The following PTPRR variants were observed in gnomAD, a reference collection of about 807,000 sequenced individuals.
The protein encoded by PTPRR is receptor-type tyrosine-protein phosphatase R.
PTPRR carries 38 observed loss-of-function variants against 77.2 expected under a neutral mutation model. The observed-to-expected ratio is 0.49, with a 90% CI of 0.38 to 0.65. PTPRR has a LOEUF of 0.65. Ranked by LOEUF, PTPRR falls within the 30% of genes least tolerant of loss-of-function variation. The pLI is 0.00. For missense variants in PTPRR, 744 were observed against 799.2 expected, an observed-to-expected ratio of 0.93 and a Z score of 0.83; for synonymous variants, 299 against 283.1, an observed-to-expected ratio of 1.06 and a Z score of -0.57.
chr12:70,799,693 GA>G (rs1207437799), intron 2 of PTPRR, among the ~76,000 whole-genome samples: 1 of 152,118 alleles, frequency 6.6e-6, no homozygotes, highest in African/African-American at 2.4e-5. Context: ...ATGAGAAAAA[GA>G]AGAGCACTCT....
intron 2 of PTPRR, among the ~76,000 whole-genome samples, chr12:70,871,866 ACT>A (rs1037477309): frequency 6.6e-6 from 1 of 152,080 alleles, no homozygotes; most frequent in Non-Finnish European, 1.5e-5. Flanking sequence ...GAGCAGGGAA[ACT>A]CTTATCACCT....
chr12:70,672,258 A>G, intron 10 of PTPRR: 1 of 1,592,950 alleles, frequency 6.3e-7, no homozygotes, highest in Admixed American at 1.7e-5. Flanking sequence ...GTGGGCATGA[A>G]TTATGTGGAC....
chr12:70,668,598 ATT>A (rs1887100300), intron 10 of PTPRR, among the ~76,000 whole-genome samples: 1 of 152,052 alleles, frequency 6.6e-6, no homozygotes. Flanking sequence ...CACACTTAAC[ATT>A]TTCTTATTAG....
intron 2 of PTPRR, among the ~76,000 whole-genome samples, chr12:70,832,889 G>A (rs1892239214): frequency 6.6e-6 from 1 of 152,194 alleles, no homozygotes; most frequent in Admixed American, 6.5e-5. Flanking sequence ...GCTACTTGGT[G>A]AGAGTGGGAG....
At chr12:70,806,383 A>G (rs1891709838) in intron 2 of PTPRR, among the ~76,000 whole-genome samples, 2 of 152,210 alleles carry the variant, frequency 1.3e-5, no homozygotes, top group Admixed American at 6.5e-5. Flanking sequence ...GTTTGACCAT[A>G]GATATTGGCA....
chr12:70,836,958 C>T (rs921496514), intron 2 of PTPRR, among the ~76,000 whole-genome samples: 1 of 151,924 alleles, frequency 6.6e-6, no homozygotes, highest in Admixed American at 6.6e-5. Context: ...TATATTTTAT[C>T]ACTAAACTAT....
chr12:70,777,962 T>C (rs999732056), intron 2 of PTPRR, among the ~76,000 whole-genome samples: 2 of 152,254 alleles, frequency 1.3e-5, no homozygotes, highest in African/African-American at 4.8e-5. Flanking sequence ...GATAGTTATA[T>C]ATTCAAATGG....
At chr12:70,694,751 GC>G (rs1352230195) in intron 8 of PTPRR, among the ~76,000 whole-genome samples, 5 of 152,090 alleles carry the variant, frequency 3.3e-5, no homozygotes, top group African/African-American at 1.2e-4. Flanking sequence ...CCAAACGGCA[GC>G]ATCACACAAT....
At chr12:70,788,906 A>G in intron 2 of PTPRR, 2 of 1,475,102 alleles carry the variant, frequency 1.4e-6, no homozygotes, top group South Asian at 1.4e-5. Flanking sequence ...AGCAGGACTA[A>G]TCGTAAAGCT....
At chr12:70,827,542 T>C in intron 2 of PTPRR, among the ~76,000 whole-genome samples, 1 of 139,678 alleles carries the variant, frequency 7.2e-6, no homozygotes. Context: ...CTTTCTTTCT[T>C]TCTTTCTTTT....
At chr12:70,879,843 A>G (rs1893118372) in intron 2 of PTPRR, among the ~76,000 whole-genome samples, 1 of 152,176 alleles carries the variant, frequency 6.6e-6, no homozygotes, top group Non-Finnish European at 1.5e-5. Flanking sequence ...ATAATTGAAT[A>G]AAAAGTAAGG....
At chr12:70,838,279 A>G (rs1282288844) in intron 2 of PTPRR, among the ~76,000 whole-genome samples, 2 of 152,176 alleles carry the variant, frequency 1.3e-5, no homozygotes, top group African/African-American at 4.8e-5. Flanking sequence ...ATGTGTTTTC[A>G]TGAATGAGGT....
chr12:70,663,528 A>G (rs1435251725), intron 10 of PTPRR, among the ~76,000 whole-genome samples: 7 of 151,974 alleles, frequency 4.6e-5, no homozygotes, highest in Admixed American at 2.6e-4. Flanking sequence ...GCCCAAAGTG[A>G]TTAGATCTTC....
At chr12:70,706,449 C>T (rs980011076) in intron 6 of PTPRR, among the ~76,000 whole-genome samples, 6 of 151,880 alleles carry the variant, frequency 4.0e-5, no homozygotes, top group African/African-American at 1.4e-4. Context: ...TAAAAGATGC[C>T]AGGCATGAAC....
intron 6 of PTPRR, among the ~76,000 whole-genome samples, chr12:70,714,392 C>T (rs937722099): frequency 2.0e-5 from 3 of 152,122 alleles, no homozygotes; most frequent in Non-Finnish European, 4.4e-5. Context: ...CACAGCTCAC[C>T]ACAATTTGGG....
At chr12:70,867,495 C>G (rs979967191) in intron 2 of PTPRR, among the ~76,000 whole-genome samples, 71 of 151,988 alleles carry the variant, frequency 4.7e-4, no homozygotes, top group African/African-American at 1.6e-3. Context: ...TGAAGGACCT[C>G]TTCAAGGAGA....
intron 2 of PTPRR, among the ~76,000 whole-genome samples, chr12:70,838,601 C>T (rs543016960): frequency 3.3e-4 from 50 of 151,970 alleles, no homozygotes; most frequent in East Asian, 1.4e-3. Context: ...CAGAATATGG[C>T]GGAGGCATAT....
intron 13 of PTPRR, among the ~76,000 whole-genome samples, chr12:70,655,511 T>C (rs1055729745): frequency 6.6e-6 from 1 of 152,204 alleles, no homozygotes; most frequent in Non-Finnish European, 1.5e-5. Flanking sequence ...CATCAATTGA[T>C]GAATGGATAA....
At chr12:70,903,502 A>G (rs940417497) in intron 1 of PTPRR, among the ~76,000 whole-genome samples, 4 of 151,892 alleles carry the variant, frequency 2.6e-5, no homozygotes, top group African/African-American at 9.7e-5. Flanking sequence ...CAGCCTTTTC[A>G]AAATTACATT....
Sources: allele counts gnomAD v4.1 joint callset (sites outside exome capture counted in the v4.1 genomes callset), GRCh38; gene constraint gnomAD v4.1.1; transcripts MANE v1.5; gene names NCBI Gene and HGNC (gene_info 2026-07-23, HGNC 2026-07-21).